Variants in GLI3 observed in about 807,000 individuals in gnomAD.
GLI3 encodes GLI family zinc finger 3.
GLI3 carries 20 observed loss-of-function variants against 100.8 expected under a neutral mutation model. That is an observed-to-expected ratio of 0.20 (90% confidence interval 0.14 to 0.29). The LOEUF (loss-of-function observed/expected upper bound fraction) is 0.29. Among genes scored for constraint, GLI3 ranks in the 10% least tolerant of loss-of-function variants. The pLI is 1.00. For synonymous variants in GLI3, 938 were observed against 860.5 expected (o/e 1.09, Z -1.58); for missense variants, 2,040 against 2,128.5 (o/e 0.96, Z 0.82).
intron 3 of GLI3, among the ~76,000 whole-genome samples, chr7:42,138,873 C>T (rs928158542): frequency 5.3e-5 from 8 of 152,210 alleles, no homozygotes; most frequent in Non-Finnish European, 1.2e-4. Context: ...CCCTTTGATC[C>T]TCACAATGTC....
chr7:42,125,814 G>T (rs537130610), intron 3 of GLI3, among the ~76,000 whole-genome samples: 2 of 152,252 alleles, frequency 1.3e-5, no homozygotes, highest in East Asian at 3.9e-4. Flanking sequence ...TGTACAATGG[G>T]GTTCGATGGA....
At chr7:42,088,809 T>G (rs1785157156) in intron 3 of GLI3, among the ~76,000 whole-genome samples, 1 of 152,230 alleles carries the variant, frequency 6.6e-6, no homozygotes. Context: ...GCAGTGGTCC[T>G]GAGGCTCCTT....
intron 3 of GLI3, among the ~76,000 whole-genome samples, chr7:42,130,460 TAAG>T (rs573595972): frequency 4.6e-5 from 7 of 152,198 alleles, no homozygotes; most frequent in Non-Finnish European, 8.8e-5. Flanking sequence ...AGCAAGATGT[TAAG>T]AAGAAGTTTC....
chr7:42,182,708 AC>A (rs1192830283), intron 2 of GLI3, among the ~76,000 whole-genome samples: 1 of 94,546 alleles, frequency 1.1e-5, no homozygotes, highest in Non-Finnish European at 2.0e-5. Flanking sequence ...ATATATACAC[AC>A]ATATAAATAC....
intron 2 of GLI3, among the ~76,000 whole-genome samples, chr7:42,169,698 A>G (rs772830043): frequency 1.3e-5 from 2 of 152,174 alleles, no homozygotes; most frequent in Non-Finnish European, 2.9e-5. Context: ...AGAGCAAGTA[A>G]AAGTCCTAAA....
In GLI3 at chr7:42,068,466, TCTC is replaced by T. The variant is rs546095790; in HGVS notation, c.473+8283_473+8285del. On this transcript the variant is annotated intron_variant, in intron 4 of 14. Coordinates refer to ENST00000395925, the MANE Select transcript of GLI3 (RefSeq NM_000168.6). ...AAGGATGAGTTTCAAAATCCACCTC[TCTC>T]CTCCTATTTCCTTTTAGTGTGCTTA... Among the ~76,000 whole-genome samples the T allele has an allele frequency of 3.6e-3, 542 of 152,274 alleles. 2 individuals carry two copies. The highest frequency in any genetic ancestry group is 0.017 in the Middle Eastern group (5 of 294).
At chr7:41,989,900 C>G (rs1387472704) in intron 10 of GLI3, among the ~76,000 whole-genome samples, 1 of 148,500 alleles carries the variant, frequency 6.7e-6, no homozygotes, top group African/African-American at 2.5e-5. Flanking sequence ...TAGCACACGC[C>G]TGTAGTCCCA....
At chr7:42,051,057 T>G (rs964912621) in intron 4 of GLI3, among the ~76,000 whole-genome samples, 2 of 152,156 alleles carry the variant, frequency 1.3e-5, no homozygotes, top group Non-Finnish European at 2.9e-5. Flanking sequence ...ACCAGGACAC[T>G]GAAGGTACCT....
At chr7:42,238,192 T>G (rs1788872409), upstream of GLI3, among the ~76,000 whole-genome samples, 1 of 151,358 alleles carries the variant, frequency 6.6e-6, no homozygotes, top group African/African-American at 2.4e-5. Context: ...GCGCCCTCTC[T>G]CTTCTCTCTC....
At chr7:42,237,963 T>G (rs1583670152), upstream of GLI3, 1 of 143,004 alleles carries the variant, frequency 7.0e-6, no homozygotes, top group East Asian at 2.2e-4. Flanking sequence ...ACGCGCGCGC[T>G]CCCTCCCCGC....
At position 42,023,499 on chromosome 7, in the gene GLI3, C is replaced by T. The variant is rs757946644; in HGVS notation, c.1466G>A (p.Arg489Lys). 4.3e-6 allele frequency: 7 copies of T among 1,614,044 alleles called. No homozygotes were observed. The highest frequency in any genetic ancestry group is 5.9e-6 in the Non-Finnish European group (7 of 1,180,028). Residue 489 changes from arginine to lysine, a missense_variant, in exon 10 of 15, where the codon AGG (arginine) becomes AAG (lysine). Physicochemically the swap from Arg to Lys is conservative, Grantham distance 26. Transcript: ENST00000395925. ...ETNCHWEGCAREFDTQEQLVH... is the reference protein window; with the variant it reads ...ETNCHWEGCAKEFDTQEQLVH... ...AAGCTGCTCTTGGGTGTCGAACTCC[C>T]TCGCGCAGCCTTCCCAGTGGCAGTT...
intron 3 of GLI3, among the ~76,000 whole-genome samples, chr7:42,078,658 C>T (rs190148118): frequency 1.6e-4 from 24 of 150,736 alleles, no homozygotes; most frequent in Non-Finnish European, 2.1e-4. Context: ...ACTGTAGTAT[C>T]GTGATATACA....
At chr7:42,218,267 G>A (rs2128700771) in intron 2 of GLI3, among the ~76,000 whole-genome samples, 1 of 152,098 alleles carries the variant, frequency 6.6e-6, no homozygotes, top group Admixed American at 6.5e-5. Context: ...CCATTTCAGA[G>A]CAGAACTGGC....
intron 6 of GLI3, 36 bp downstream of exon 6, chr7:42,045,348 T>C: frequency 9.4e-6 from 15 of 1,599,954 alleles, no homozygotes; most frequent in East Asian, 2.2e-5. Flanking sequence ...GCCTTTGCCA[T>C]TTCCCAAGAC....
At chr7:42,075,745 C>A (rs1459730405) in intron 4 of GLI3, among the ~76,000 whole-genome samples, 1 of 152,116 alleles carries the variant, frequency 6.6e-6, no homozygotes, top group Non-Finnish European at 1.5e-5. Context: ...GGAGATGGAT[C>A]CAAAAAACTG....
intron 12 of GLI3, among the ~76,000 whole-genome samples, chr7:41,975,310 T>C (rs1022379542): frequency 2.6e-5 from 4 of 152,184 alleles, no homozygotes; most frequent in Non-Finnish European, 4.4e-5. Context: ...GTTCAATGAA[T>C]AAATGAAGTT....
intron 10 of GLI3, among the ~76,000 whole-genome samples, chr7:42,018,913 C>A (rs1195582058): frequency 6.6e-6 from 1 of 152,158 alleles, no homozygotes; most frequent in Non-Finnish European, 1.5e-5. Flanking sequence ...CGGTTCTGCC[C>A]CACAGGTAGA....
chr7:42,230,748 C>T (rs769985796), intron 1 of GLI3, among the ~76,000 whole-genome samples: 6 of 152,180 alleles, frequency 3.9e-5, no homozygotes, highest in Non-Finnish European at 8.8e-5. Flanking sequence ...ATGAGTCCCA[C>T]GTGCCTTGGT....
chr7:42,020,773 C>T (rs889662733), intron 10 of GLI3, among the ~76,000 whole-genome samples: 7 of 151,880 alleles, frequency 4.6e-5, no homozygotes, highest in African/African-American at 1.7e-4. Context: ...GCCTGTAGTC[C>T]CAGCTACTCG....
Sources: allele counts gnomAD v4.1 joint callset (sites outside exome capture counted in the v4.1 genomes callset), GRCh38; gene constraint gnomAD v4.1.1; transcripts MANE v1.5; gene names NCBI Gene and HGNC (gene_info 2026-07-23, HGNC 2026-07-21).